The following NKAIN3 variants were observed in gnomAD, a reference collection of about 807,000 sequenced individuals.
NKAIN3 encodes sodium/potassium-transporting ATPase subunit beta-1-interacting protein 3.
Under a neutral mutation model 30.2 loss-of-function variants are expected in NKAIN3, and 25 were observed. The observed-to-expected ratio is 0.83, with a 90% CI of 0.60 to 1.16. The LOEUF (loss-of-function observed/expected upper bound fraction) is 1.16. Among genes scored for constraint, NKAIN3 ranks in the 50% most tolerant of loss-of-function variants. NKAIN3 has a pLI of 0.00. For missense variants in NKAIN3, 225 were observed against 254.1 expected, an observed-to-expected ratio of 0.89 and a Z score of 0.78; for synonymous variants, 91 against 89.6, an observed-to-expected ratio of 1.02 and a Z score of -0.09.
rs929544269 is a variant in NKAIN3, at chr8:62,528,432, C to T, written c.55-51107C>T. On this transcript the variant is annotated intron_variant, in intron 1 of 6. Transcript: ENST00000623646. The stretch of plus-strand genomic sequence containing the variant: ...AATGCCAGTTTGTCACTGTGGTGGG[C>T]TTTGTGGTTCCTTCTGACAAGCATC... 3.3e-5 allele frequency among the ~76,000 whole-genome samples: 5 copies of T among 150,318 alleles called. No individual in the cohort carries two copies. The South Asian group carries it at 1.0e-3, about 31-fold the overall frequency.
chr8:62,777,708 G>A (rs1029200334), intron 4 of NKAIN3, among the ~76,000 whole-genome samples: 3 of 152,060 alleles, frequency 2.0e-5, no homozygotes, highest in Non-Finnish European at 4.4e-5. Context: ...GCCTTATTTA[G>A]TCTGTTTGGT....
intron 1 of NKAIN3, among the ~76,000 whole-genome samples, chr8:62,283,154 A>G (rs7843617): frequency 0.033 from 5,070 of 152,278 alleles, 314 homozygotes; most frequent in African/African-American, 0.12. Context: ...GAAGACTATG[A>G]TAAATATCAA....
chr8:62,920,701 A>T (rs1822252092), intron 5 of NKAIN3, among the ~76,000 whole-genome samples: 1 of 152,188 alleles, frequency 6.6e-6, no homozygotes, highest in African/African-American at 2.4e-5. Context: ...TAGTGGTTTA[A>T]TTCTAGCATT....
chr8:62,374,261 A>G (rs1817006543), intron 1 of NKAIN3, among the ~76,000 whole-genome samples: 1 of 152,202 alleles, frequency 6.6e-6, no homozygotes, highest in Non-Finnish European at 1.5e-5. Flanking sequence ...GAGTTAAGTC[A>G]TGTTTAGCTA....
At chr8:62,517,706 C>CAAAAA (rs2129768449) in intron 1 of NKAIN3, among the ~76,000 whole-genome samples, 2 of 152,222 alleles carry the variant, frequency 1.3e-5, no homozygotes, top group South Asian at 4.2e-4. Context: ...ACCCATAACA[C>CAAAAA]AAAATCCTTC....
chr8:62,913,641 G>A (rs1821991337), intron 4 of NKAIN3, among the ~76,000 whole-genome samples: 1 of 152,134 alleles, frequency 6.6e-6, no homozygotes, highest in Admixed American at 6.6e-5. Flanking sequence ...ATTTCAAGTG[G>A]CAAAGACGTT....
In NKAIN3 at chr8:62,305,123, T is replaced by TGTG. The variant is rs551419921; in HGVS notation, c.54+55999_54+56001dup. 1.5e-3 allele frequency among the ~76,000 whole-genome samples: 231 copies of TGTG among 150,740 alleles called. 22 individuals carry two copies. Among genetic ancestry groups the TGTG allele is most frequent in the African/African-American group, 5.5e-3 (219 of 40,100 alleles). On this transcript the variant is annotated intron_variant, in intron 1 of 6. Coordinates refer to ENST00000623646, the MANE Select transcript of NKAIN3 (RefSeq NM_001304533.3). ...CTTTAAGCAATGGTTATTCTTAGTG[T>TGTG]GTGGTTACATTTATCATAGCATGTT...
intron 1 of NKAIN3, among the ~76,000 whole-genome samples, chr8:62,331,475 C>T (rs902248956): frequency 6.6e-6 from 1 of 152,116 alleles, no homozygotes; most frequent in Admixed American, 6.6e-5. Context: ...GCACCGTCAG[C>T]GTAGTGTCTT....
At chr8:62,819,791 G>A (rs7840400) in intron 4 of NKAIN3, among the ~76,000 whole-genome samples, 89,821 of 151,754 alleles carry the variant, frequency 0.59, 27,273 homozygotes, top group Non-Finnish European at 0.67. Context: ...TTTGACTCTG[G>A]GAATAAGCTG....
At chr8:62,377,985 C>A (rs1297554874) in intron 1 of NKAIN3, among the ~76,000 whole-genome samples, 2 of 152,110 alleles carry the variant, frequency 1.3e-5, no homozygotes, top group African/African-American at 2.4e-5. Flanking sequence ...GAGTAACAGG[C>A]AGAGGTTGAA....
chr8:62,455,750 A>G (rs891466504), intron 1 of NKAIN3, among the ~76,000 whole-genome samples: 1 of 152,252 alleles, frequency 6.6e-6, no homozygotes, highest in Non-Finnish European at 1.5e-5. Context: ...ATTGAAAGGA[A>G]TAACTAGCAC....
intron 1 of NKAIN3, among the ~76,000 whole-genome samples, chr8:62,535,247 ACTCT>A (rs1160510389): frequency 6.6e-6 from 1 of 151,860 alleles, no homozygotes. Flanking sequence ...TGTTCGGAAA[ACTCT>A]CTCTGTGTTT....
At chr8:62,586,983 A>G (rs1233626756) in intron 2 of NKAIN3, among the ~76,000 whole-genome samples, 1 of 152,060 alleles carries the variant, frequency 6.6e-6, no homozygotes, top group East Asian at 1.9e-4. Context: ...CTGCTTTATA[A>G]TAACCAAAGG....
intron 3 of NKAIN3, among the ~76,000 whole-genome samples, chr8:62,669,488 A>C (rs1429734476): frequency 1.3e-5 from 2 of 152,270 alleles, no homozygotes; most frequent in Non-Finnish European, 2.9e-5. Context: ...TAAAAATGAC[A>C]CATCTTCTAA....
chr8:62,311,760 G>A (rs1473141480), intron 1 of NKAIN3, among the ~76,000 whole-genome samples: 1 of 150,446 alleles, frequency 6.6e-6, no homozygotes, highest in African/African-American at 2.5e-5. Flanking sequence ...ACTTTGGGAG[G>A]ATGAGTTTCA....
rs192909563 is a variant in NKAIN3, at chr8:62,450,215, G to C, written c.55-129324G>C. 6.9e-3 allele frequency among the ~76,000 whole-genome samples: 1,056 copies of C among 152,232 alleles called. 14 individuals are homozygous for C. The highest frequency in any genetic ancestry group is 0.025 in the African/African-American group (1,028 of 41,552). On this transcript the variant is annotated intron_variant, in intron 1 of 6. Transcript: ENST00000623646. ...CTCCAACATTTAAAGCATGTAGCTA[G>C]TTATTTTTTATTTTTATTAACATTT...
chr8:62,570,446 T>C (rs1809898900), intron 1 of NKAIN3, among the ~76,000 whole-genome samples: 1 of 152,170 alleles, frequency 6.6e-6, no homozygotes, highest in African/African-American at 2.4e-5. Flanking sequence ...AAGAGGTTTA[T>C]TGGACTTACA....
At chr8:62,613,504 C>T (rs1811354963) in intron 3 of NKAIN3, among the ~76,000 whole-genome samples, 1 of 152,000 alleles carries the variant, frequency 6.6e-6, no homozygotes, top group Non-Finnish European at 1.5e-5. Flanking sequence ...AAGTAGTCTT[C>T]TCTGGATAAA....
rs75430914 is a variant in NKAIN3, at chr8:62,921,159, C to T, written c.532+2646C>T. On this transcript the variant is annotated intron_variant, in intron 5 of 6. Transcript: ENST00000623646. ...AGACATGTCCTTTGAATTATTTTTC[C>T]AAAACTTACACATAAAATAAGTAAA... Among the ~76,000 whole-genome samples, 19 of 152,230 alleles carry T rather than the reference C, an allele frequency of 1.2e-4. 1 individual carries two copies. In the South Asian group the frequency reaches 3.9e-3, roughly 32 times the overall value.
Sources: gnomAD v4.1 joint callset for allele counts (sites outside exome capture counted in the v4.1 genomes callset) on GRCh38, gnomAD v4.1.1 for gene constraint, MANE v1.5 for transcripts, NCBI Gene and HGNC (gene_info 2026-07-23, HGNC 2026-07-21) for gene names.